STAB2: variants seen among roughly 807,000 people sequenced by gnomAD.
The protein encoded by STAB2 is stabilin 2.
Under a neutral mutation model 338.1 loss-of-function variants are expected in STAB2, and 288 were observed. That is an observed-to-expected ratio of 0.85 (90% CI 0.77 to 0.94). The LOEUF (loss-of-function observed/expected upper bound fraction) is 0.94. STAB2 is among the 40% of genes least tolerant of loss of function. The probability of loss-of-function intolerance (pLI) is 0.00; values close to 1 mark genes in which losing one functional copy is unlikely to be tolerated. For synonymous variants in STAB2, 1,202 were observed against 1,193.3 expected (o/e 1.01, Z -0.15); for missense variants, 3,141 against 3,210.1 (o/e 0.98, Z 0.52).
chr12:103,594,958 A>G (rs1956854155), intron 3 of STAB2, among the ~76,000 whole-genome samples: 1 of 152,308 alleles, frequency 6.6e-6, no homozygotes, highest in African/African-American at 2.4e-5. Context: ...TTCAAGTGGT[A>G]GATTTAAGAC....
chr12:103,589,324 T>A (rs1038260036), intron 1 of STAB2, among the ~76,000 whole-genome samples: 1 of 152,168 alleles, frequency 6.6e-6, no homozygotes, highest in Non-Finnish European at 1.5e-5. Context: ...AGAAGAAGCC[T>A]ACCTCTTTCT....
chr12:103,742,678 A>C, intron 56 of STAB2, 124 bp downstream of exon 56: 1 of 1,449,108 alleles, frequency 6.9e-7, no homozygotes, highest in South Asian at 1.3e-5. Flanking sequence ...CACCCCTCCA[A>C]TCTGCCTGCC....
At chr12:103,681,725 G>A (rs928163476) in intron 25 of STAB2, among the ~76,000 whole-genome samples, 10 of 147,778 alleles carry the variant, frequency 6.8e-5, no homozygotes, top group Non-Finnish European at 1.0e-4. Flanking sequence ...GGGTTCAAGC[G>A]ATTCTCCTGC....
At chr12:103,644,561 AT>A (rs1873197816) in intron 9 of STAB2, among the ~76,000 whole-genome samples, 4 of 145,792 alleles carry the variant, frequency 2.7e-5, no homozygotes, top group Admixed American at 6.9e-5. Flanking sequence ...AAATAAATAA[AT>A]AAATAAATAA....
chr12:103,700,906 T>C (rs1376326600), intron 34 of STAB2, among the ~76,000 whole-genome samples: 1 of 151,916 alleles, frequency 6.6e-6, no homozygotes, highest in Non-Finnish European at 1.5e-5. Context: ...GCAGGTTAGT[T>C]ACATATGTAT....
At chr12:103,759,736 T>C (rs1566084770) in intron 65 of STAB2, among the ~76,000 whole-genome samples, 2 of 151,924 alleles carry the variant, frequency 1.3e-5, no homozygotes, top group South Asian at 4.1e-4. Context: ...ATTTTCATGA[T>C]TGTGATACAA....
intron 66 of STAB2, among the ~76,000 whole-genome samples, chr12:103,761,922 G>T (rs968943432): frequency 2.2e-4 from 33 of 152,182 alleles, no homozygotes; most frequent in Non-Finnish European, 8.8e-5. Flanking sequence ...GAGGTGAGCT[G>T]CTGGAGAGTT....
chr12:103,646,336 C>A (rs1873333964), intron 9 of STAB2, among the ~76,000 whole-genome samples: 2 of 152,196 alleles, frequency 1.3e-5, no homozygotes, highest in Non-Finnish European at 1.5e-5. Flanking sequence ...TACAATGAAA[C>A]TTCATTTATC....
chr12:103,706,758 A>G, intron 37 of STAB2, 34 bp from the exon 38 acceptor site: 1 of 1,613,456 alleles, frequency 6.2e-7, no homozygotes, highest in Non-Finnish European at 8.5e-7. Flanking sequence ...CAGAGGATAG[A>G]AGTGCGTTGT....
chr12:103,655,296 T>A lies in STAB2; in HGVS notation c.1597T>A (p.Ser533Thr), dbSNP rs377472128. 5 of 1,613,224 alleles carry A rather than the reference T, an allele frequency of 3.1e-6. No individual in the cohort carries two copies. The African/African-American group carries it at 6.7e-5, about 22-fold the overall frequency. Residue 533 changes from serine (S) to threonine (T), a missense_variant, in exon 14 of 69, where the codon TCT (serine) becomes ACT (threonine). Transcript: ENST00000388887. ...MLQPRYSKFR[S>T]LLEETNLGHA... ...ACAACCAAGGTACAGCAAGTTCAGATCTTTGTTAGAGGTAAGCACTTTTCA... is the reference window on the plus strand; with the variant it reads ...ACAACCAAGGTACAGCAAGTTCAGAACTTTGTTAGAGGTAAGCACTTTTCA...
At chr12:103,714,182 G>C (rs1348013144) in intron 42 of STAB2, among the ~76,000 whole-genome samples, 1 of 151,910 alleles carries the variant, frequency 6.6e-6, no homozygotes, top group Non-Finnish European at 1.5e-5. Context: ...TGGTATCTCA[G>C]GATATACAGC....
At chr12:103,631,124 G>A (rs979830512) in intron 5 of STAB2, among the ~76,000 whole-genome samples, 3 of 152,092 alleles carry the variant, frequency 2.0e-5, no homozygotes, top group African/African-American at 4.8e-5. Flanking sequence ...AATATGGCAT[G>A]GTTATTCTAG....
At chr12:103,675,540 A>G (rs1593219005) in intron 23 of STAB2, among the ~76,000 whole-genome samples, 2 of 152,280 alleles carry the variant, frequency 1.3e-5, no homozygotes, top group East Asian at 3.8e-4. Context: ...AGGTTCTGGT[A>G]AAATAAGAGC....
chr12:103,696,816 G>C (rs1048006548), intron 33 of STAB2, among the ~76,000 whole-genome samples: 8 of 152,276 alleles, frequency 5.3e-5, no homozygotes, highest in Admixed American at 3.3e-4. Flanking sequence ...TGGGACACCT[G>C]CATGCTTGTT....
At chr12:103,617,474 A>G (rs1593146124) in intron 3 of STAB2, among the ~76,000 whole-genome samples, 1 of 152,250 alleles carries the variant, frequency 6.6e-6, no homozygotes, top group Non-Finnish European at 1.5e-5. Context: ...CCTAGAAGAC[A>G]GTATGGTCCC....
At chr12:103,700,251 A>T (rs1446758106) in intron 34 of STAB2, among the ~76,000 whole-genome samples, 1 of 152,244 alleles carries the variant, frequency 6.6e-6, no homozygotes, top group Non-Finnish European at 1.5e-5. Context: ...TAAGAAACTC[A>T]TAATTTTAAT....
intron 55 of STAB2, among the ~76,000 whole-genome samples, chr12:103,741,655 A>G (rs10745980): frequency 0.4 from 60,834 of 152,082 alleles, 12,643 homozygotes; most frequent in Admixed American, 0.52. Flanking sequence ...GGTTTTCGCC[A>G]TGTTGCCCAG....
At chr12:103,667,870 C>G (rs972969371) in intron 19 of STAB2, among the ~76,000 whole-genome samples, 1 of 152,176 alleles carries the variant, frequency 6.6e-6, no homozygotes, top group Admixed American at 6.5e-5. Flanking sequence ...ATTGTCTCAT[C>G]AATATTTTCT....
At chr12:103,725,140 A>G (rs1881085576) in intron 45 of STAB2, 46 bp downstream of exon 45, 7 of 1,588,586 alleles carry the variant, frequency 4.4e-6, no homozygotes, top group Non-Finnish European at 4.3e-6. Context: ...CTTCCCTAAA[A>G]ATGCCAAGAA....
Sources: gnomAD v4.1 joint callset for allele counts (sites outside exome capture counted in the v4.1 genomes callset) on GRCh38, gnomAD v4.1.1 for gene constraint, MANE v1.5 for transcripts, NCBI Gene and HGNC (gene_info 2026-07-23, HGNC 2026-07-21) for gene names.